AFAP1L2: variants seen among roughly 807,000 people sequenced by gnomAD.
AFAP1L2 encodes the protein actin filament associated protein 1 like 2.
A neutral mutation model predicts 99.3 loss-of-function variants in AFAP1L2; 46 were observed. The ratio of observed to expected loss-of-function variants is 0.46; its 90% CI spans 0.37 to 0.59. AFAP1L2 has a LOEUF of 0.59. Among genes scored for constraint, AFAP1L2 ranks in the 20% least tolerant of loss-of-function variants. The pLI is 0.00. For synonymous variants in AFAP1L2, 397 were observed against 419.1 expected, an observed-to-expected ratio of 0.95 and a Z score of 0.64; for missense variants, 959 against 1,034.9, an observed-to-expected ratio of 0.93 and a Z score of 1.01.
chr10:114,344,258 A>G (rs1431608030), intron 1 of AFAP1L2, among the ~76,000 whole-genome samples: 2 of 152,206 alleles, frequency 1.3e-5, no homozygotes, highest in African/African-American at 4.8e-5. Flanking sequence ...CCAGGAACTC[A>G]AAAGCAGTGA....
intron 1 of AFAP1L2, among the ~76,000 whole-genome samples, chr10:114,354,481 G>T (rs1418772737): frequency 6.6e-6 from 1 of 152,124 alleles, no homozygotes; most frequent in Non-Finnish European, 1.5e-5. Flanking sequence ...CTCCTTCTTT[G>T]TATAATGAGA....
intron 1 of AFAP1L2, among the ~76,000 whole-genome samples, chr10:114,350,588 C>T (rs1391421046): frequency 1.3e-5 from 2 of 152,174 alleles, no homozygotes; most frequent in Non-Finnish European, 2.9e-5. Context: ...TAGACCTGGG[C>T]AAAGGGCTCA....
chr10:114,285,115 C>T, the AFAP1L2 span: 2 of 604,022 alleles, frequency 3.3e-6, no homozygotes, highest in South Asian at 2.4e-5. Context: ...GTCTGCAGTT[C>T]ACGTGGTGCA....
intron 1 of AFAP1L2, among the ~76,000 whole-genome samples, chr10:114,403,884 G>T (rs2058465082): frequency 6.6e-6 from 1 of 152,210 alleles, no homozygotes; most frequent in African/African-American, 2.4e-5. Flanking sequence ...GAGCAAAGAA[G>T]GGCTTGGAGA....
chr10:114,355,690 G>T (rs1283239838), intron 1 of AFAP1L2, among the ~76,000 whole-genome samples: 1 of 152,146 alleles, frequency 6.6e-6, no homozygotes, highest in Non-Finnish European at 1.5e-5. Context: ...TTTCTGTCGG[G>T]TCCGGGCACA....
intron 1 of AFAP1L2, among the ~76,000 whole-genome samples, chr10:114,372,915 T>C (rs1035153544): frequency 5.3e-5 from 8 of 152,258 alleles, no homozygotes; most frequent in African/African-American, 1.9e-4. Context: ...CTATTTTCAC[T>C]TGCTAATGTG....
chr10:114,357,767 C>T (rs183660522), intron 1 of AFAP1L2, among the ~76,000 whole-genome samples: 2 of 152,322 alleles, frequency 1.3e-5, no homozygotes, highest in Admixed American at 1.3e-4. Context: ...TAGGGTGCTA[C>T]TAAAAGGAAA....
At chr10:114,306,021 GCAGATGCAGGAGGGGACA>G (rs2042294508) in intron 10 of AFAP1L2, among the ~76,000 whole-genome samples, 1 of 110,240 alleles carries the variant, frequency 9.1e-6, no homozygotes, top group Non-Finnish European at 1.7e-5. Flanking sequence ...AGGAGGGGAC[GCAGATGCAGGAGGGGACA>G]CAGATGCAGA....
intron 2 of AFAP1L2, among the ~76,000 whole-genome samples, chr10:114,337,775 C>T (rs1172569058): frequency 6.6e-6 from 1 of 152,212 alleles, no homozygotes; most frequent in Non-Finnish European, 1.5e-5. Context: ...GTTTCCAGTT[C>T]CCAACAGAGG....
chr10:114,297,489 G>C, intron 16 of AFAP1L2, 76 bp from the exon 17 acceptor site: 1 of 1,475,528 alleles, frequency 6.8e-7, no homozygotes, highest in Admixed American at 1.9e-5. Flanking sequence ...GTGGAGGCAG[G>C]GTCTACATAC....
At chr10:114,310,713 G>A (rs114102731) in intron 7 of AFAP1L2, among the ~76,000 whole-genome samples, 3,557 of 152,268 alleles carry the variant, frequency 0.023, 129 homozygotes, top group African/African-American at 0.081. Flanking sequence ...GGGGGCCTTG[G>A]CAGCAAAGGC....
chr10:114,324,911 C>T (rs982598997), intron 4 of AFAP1L2, among the ~76,000 whole-genome samples: 2 of 152,226 alleles, frequency 1.3e-5, no homozygotes, highest in Non-Finnish European at 2.9e-5. Flanking sequence ...CTCCCCTACT[C>T]CTGGCCCAGG....
At chr10:114,306,343 A>ACGCGGGGGCAGGAGGGGC (rs2042420059) in intron 10 of AFAP1L2, among the ~76,000 whole-genome samples, 1 of 109,878 alleles carries the variant, frequency 9.1e-6, no homozygotes, top group Admixed American at 9.7e-5. Flanking sequence ...GCAGGAGGGG[A>ACGCGGGGGCAGGAGGGGC]CGCGGGGGCA....
intron 4 of AFAP1L2, among the ~76,000 whole-genome samples, chr10:114,326,394 G>C (rs2046302725): frequency 6.6e-6 from 1 of 152,168 alleles, no homozygotes; most frequent in Non-Finnish European, 1.5e-5. Flanking sequence ...ATGTTTAGCT[G>C]ATCGATAGCT....
Position 114,295,502 on chromosome 10 carries a change from A to G in AFAP1L2, c.*540T>C, listed in dbSNP as rs1182175005. 2 of 977,874 alleles carry G rather than the reference A, an allele frequency of 2.0e-6. No individual in the cohort carries two copies. Among genetic ancestry groups the G allele is most frequent in the Admixed American group, 1.2e-4 (2 of 16,146 alleles). The allele number at this position is 977,874 out of a possible 1,614,324, so 60.6% of individuals were successfully genotyped here. Reference sequence around the variant, plus strand: ...AGATGGTTTTACAGATGATGGTTTTACAGATGATGTCAATGCTGTTTAAAA... The same window carrying G: ...AGATGGTTTTACAGATGATGGTTTTGCAGATGATGTCAATGCTGTTTAAAA... On this transcript the variant is annotated 3_prime_UTR_variant, in exon 19 of 19. Coordinates refer to ENST00000304129, the MANE Select transcript of AFAP1L2 (RefSeq NM_001001936.3).
intron 1 of AFAP1L2, among the ~76,000 whole-genome samples, chr10:114,341,091 A>G (rs1169141862): frequency 1.3e-5 from 2 of 152,162 alleles, no homozygotes; most frequent in Non-Finnish European, 2.9e-5. Flanking sequence ...CTACTTCCAA[A>G]ATGCTTTGAG....
rs181392370 is a variant in AFAP1L2 at position 114,340,106 on chromosome 10, C to T, written c.145+497G>A. ...AGCACTTTGAGGGGCCCAGGCAGGG[C>T]GGATAGCTTGAGCCCAGGAGCTCAA... On this transcript the variant is annotated intron_variant, in intron 2 of 18. Coordinates refer to ENST00000304129, the MANE Select transcript of AFAP1L2 (RefSeq NM_001001936.3). Among the ~76,000 whole-genome samples the T allele has an allele frequency of 3.8e-3, 567 of 147,552 alleles. 2 individuals carry two copies. The highest frequency in any genetic ancestry group is 0.013 in the African/African-American group (535 of 39,822).
At chr10:114,286,546 C>A in the AFAP1L2 span, 3 of 1,505,094 alleles carry the variant, frequency 2.0e-6, no homozygotes, top group Non-Finnish European at 2.7e-6. Flanking sequence ...GACCGCTGGT[C>A]AGTGGGCGGG....
chr10:114,286,241 T>C, the AFAP1L2 span: 23 of 1,612,974 alleles, frequency 1.4e-5, 1 homozygote. Flanking sequence ...AGAGCGTGGC[T>C]TCGGGAGCGC....
Sources: allele counts gnomAD v4.1 joint callset (sites outside exome capture counted in the v4.1 genomes callset), GRCh38; gene constraint gnomAD v4.1.1; transcripts MANE v1.5; gene names NCBI Gene and HGNC (gene_info 2026-07-23, HGNC 2026-07-21).